SLC10A7: variants seen among roughly 807,000 people sequenced by gnomAD.
The protein encoded by SLC10A7 is sodium/bile acid cotransporter 7.
Under a neutral mutation model 43.2 loss-of-function variants are expected in SLC10A7, and 29 were observed. That is an observed-to-expected ratio of 0.67 (90% confidence interval 0.50 to 0.92). The LOEUF is 0.92. SLC10A7 is among the 40% of genes least tolerant of loss of function. SLC10A7 has a pLI of 0.00. For synonymous variants in SLC10A7, 152 were observed against 144.8 expected (o/e 1.05, Z -0.35); for missense variants, 295 against 403.2 (o/e 0.73, Z 2.30).
rs115641894 is a variant in SLC10A7 at position 146,358,819 on chromosome 4, A to T, written c.436-32823T>A. Among the ~76,000 whole-genome samples, 1,174 of 152,268 alleles carry T rather than the reference A, an allele frequency of 7.7e-3. 12 individuals carry two copies. Among genetic ancestry groups the T allele is most frequent in the African/African-American group, 0.027 (1,133 of 41,560 alleles). ...TTCATTTTGGTTTACACACATAAAA[A>T]AGTTGCTAAAAACATTCCTGAAGAT... On this transcript the variant is annotated intron_variant, in intron 5 of 11. Transcript: ENST00000335472.
chr4:146,459,443 C>A (rs1732343294), intron 4 of SLC10A7, among the ~76,000 whole-genome samples: 1 of 151,500 alleles, frequency 6.6e-6, no homozygotes, highest in Non-Finnish European at 1.5e-5. Context: ...TTATGCTAAT[C>A]AAGATAATGT....
intron 6 of SLC10A7, among the ~76,000 whole-genome samples, chr4:146,320,666 A>G (rs1479376487): frequency 6.6e-6 from 1 of 152,060 alleles, no homozygotes; most frequent in Non-Finnish European, 1.5e-5. Flanking sequence ...GGAAGGACCA[A>G]CTATGTGAAT....
chr4:146,358,408 A>C (rs1735809963), intron 5 of SLC10A7, among the ~76,000 whole-genome samples: 1 of 152,210 alleles, frequency 6.6e-6, no homozygotes, highest in Non-Finnish European at 1.5e-5. Flanking sequence ...TTGAAGTATA[A>C]TATAGTATAA....
chr4:146,379,939 C>A (rs1279063348), intron 5 of SLC10A7, among the ~76,000 whole-genome samples: 1 of 139,644 alleles, frequency 7.2e-6, no homozygotes, highest in Non-Finnish European at 1.5e-5. Flanking sequence ...AAATAATTCT[C>A]TCTCTCTCTC....
At chr4:146,287,151 C>CATGTCTGGAGTGGTGAGAAGGACT (rs1560764908) in intron 9 of SLC10A7, among the ~76,000 whole-genome samples, 4 of 117,624 alleles carry the variant, frequency 3.4e-5, no homozygotes, top group African/African-American at 1.3e-4. Flanking sequence ...TGAGAAGGAC[C>CATGTCTGGAGTGGTGAGAAGGACT]GTGTCTGGAG....
rs561834728 is a variant in SLC10A7 at position 146,364,485 on chromosome 4, G to A, written c.436-38489C>T. Among the ~76,000 whole-genome samples, 10 of 151,840 alleles carry A rather than the reference G, an allele frequency of 6.6e-5. No individual in the cohort carries two copies. The South Asian group carries it at 2.1e-3, about 31-fold the overall frequency. On this transcript the variant is annotated intron_variant, in intron 5 of 11. Coordinates refer to ENST00000335472, the MANE Select transcript of SLC10A7 (RefSeq NM_001029998.6). ...AGGAAGAATAGATTTGCAGAATATG[G>A]ATAGAAATGGAAGACATTATGATAA...
At chr4:146,256,850 A>C (rs1727919504) in intron 11 of SLC10A7, 1 of 1,535,978 alleles carries the variant, frequency 6.5e-7, no homozygotes, top group Non-Finnish European at 8.7e-7. Flanking sequence ...CTTGGTATTT[A>C]TTTTAATGCC....
At chr4:146,519,210 G>A (rs1738372621) in intron 1 of SLC10A7, among the ~76,000 whole-genome samples, 1 of 128,990 alleles carries the variant, frequency 7.8e-6, no homozygotes, top group Non-Finnish European at 1.6e-5. Flanking sequence ...ATATCTCAAG[G>A]CCCCTCTGAG....
chr4:146,441,943 C>T, intron 5 of SLC10A7: 1 of 981,164 alleles, frequency 1.0e-6, no homozygotes, highest in Non-Finnish European at 1.2e-6. Context: ...TTTACCTAGA[C>T]TCATGAACTA....
intron 5 of SLC10A7, among the ~76,000 whole-genome samples, chr4:146,362,321 A>C (rs1736101164): frequency 6.6e-6 from 1 of 152,178 alleles, no homozygotes; most frequent in Non-Finnish European, 1.5e-5. Context: ...CTCAAAGGTC[A>C]AGGAAAAAGA....
intron 5 of SLC10A7, among the ~76,000 whole-genome samples, chr4:146,410,175 T>C (rs1302290144): frequency 6.6e-6 from 1 of 152,182 alleles, no homozygotes; most frequent in African/African-American, 2.4e-5. Context: ...AGTTAGATGA[T>C]TTGTCTACAG....
intron 6 of SLC10A7, among the ~76,000 whole-genome samples, chr4:146,314,632 T>A (rs1227684810): frequency 1.3e-5 from 2 of 152,142 alleles, no homozygotes; most frequent in African/African-American, 4.8e-5. Flanking sequence ...AAGGTAATGA[T>A]GTGACCATCC....
chr4:146,489,315 G>A (rs1451589765), intron 4 of SLC10A7, among the ~76,000 whole-genome samples: 1 of 152,198 alleles, frequency 6.6e-6, no homozygotes, highest in African/African-American at 2.4e-5. Context: ...AGGGTGAGGA[G>A]CACAGGTATT....
chr4:146,442,646 G>A, intron 5 of SLC10A7, 137 bp downstream of exon 5: 2 of 1,498,942 alleles, frequency 1.3e-6, no homozygotes, highest in South Asian at 1.3e-5. Context: ...TCAGGGTATG[G>A]ATACTGGCAC....
intron 5 of SLC10A7, among the ~76,000 whole-genome samples, chr4:146,347,144 T>C (rs1734681692): frequency 6.6e-6 from 1 of 151,864 alleles, no homozygotes. Flanking sequence ...CTAAAAATGG[T>C]TTAGGGAATG....
chr4:146,346,278 A>T (rs1414519948), intron 5 of SLC10A7, among the ~76,000 whole-genome samples: 1 of 152,180 alleles, frequency 6.6e-6, no homozygotes, highest in African/African-American at 2.4e-5. Context: ...AAAAAACAAC[A>T]AACAGCAGTT....
At chr4:146,450,239 A>C (rs1376099851) in intron 4 of SLC10A7, among the ~76,000 whole-genome samples, 1 of 152,170 alleles carries the variant, frequency 6.6e-6, no homozygotes, top group East Asian at 1.9e-4. Flanking sequence ...GAATGTGTAC[A>C]TACTTTTTTT....
At chr4:146,456,031 C>T (rs1437796828) in intron 4 of SLC10A7, among the ~76,000 whole-genome samples, 1 of 151,564 alleles carries the variant, frequency 6.6e-6, no homozygotes, top group African/African-American at 2.4e-5. Flanking sequence ...GTAAATACTC[C>T]CACCACGGCC....
intron 4 of SLC10A7, among the ~76,000 whole-genome samples, chr4:146,467,491 A>T (rs945438602): frequency 6.8e-6 from 1 of 146,880 alleles, no homozygotes; most frequent in Non-Finnish European, 1.5e-5. Context: ...ACACACACAC[A>T]CACACAGGCA....
Sources: gnomAD v4.1 joint callset for allele counts (sites outside exome capture counted in the v4.1 genomes callset) on GRCh38, gnomAD v4.1.1 for gene constraint, MANE v1.5 for transcripts, NCBI Gene and HGNC (gene_info 2026-07-23, HGNC 2026-07-21) for gene names.